Variants in MYRFL observed in about 807,000 individuals in gnomAD.
The protein encoded by MYRFL is myelin regulatory factor like, also known as myelin regulatory factor-like protein.
Under a neutral mutation model 109.4 loss-of-function variants are expected in MYRFL, and 88 were observed. The observed-to-expected ratio is 0.80, with a 90% CI of 0.68 to 0.96. MYRFL has a LOEUF of 0.96. MYRFL is among the 40% of genes least tolerant of loss of function. The pLI, the probability that MYRFL is intolerant of heterozygous loss-of-function variation, is 0.00. For missense variants in MYRFL, 957 were observed against 954.9 expected, an observed-to-expected ratio of 1.00 and a Z score of -0.03; for synonymous variants, 324 against 320.9, an observed-to-expected ratio of 1.01 and a Z score of -0.10.
intron 11 of MYRFL, among the ~76,000 whole-genome samples, chr12:69,907,884 C>A (rs888076342): frequency 6.6e-6 from 1 of 151,692 alleles, no homozygotes; most frequent in Non-Finnish European, 1.5e-5. Flanking sequence ...TGAGTGAAGG[C>A]GCTCACAGTG....
chr12:69,830,299 G>T (rs1045994910), intron 1 of MYRFL, among the ~76,000 whole-genome samples: 1 of 151,160 alleles, frequency 6.6e-6, no homozygotes, highest in Admixed American at 6.6e-5. Context: ...ATAATATATA[G>T]AGAGATAATG....
chr12:69,832,944 T>TTGTGTG (rs57702116), intron 1 of MYRFL, among the ~76,000 whole-genome samples: 31 of 143,824 alleles, frequency 2.2e-4, no homozygotes, highest in African/African-American at 7.5e-4. Flanking sequence ...AGGAACAGGC[T>TTGTGTG]TGTGTGTGTG....
At chr12:69,928,924 A>AATCT (rs1264615261) in intron 15 of MYRFL, among the ~76,000 whole-genome samples, 2 of 152,324 alleles carry the variant, frequency 1.3e-5, no homozygotes, top group East Asian at 3.9e-4. Context: ...GGTCACCTGC[A>AATCT]ATCTCTGTAG....
intron 22 of MYRFL, 51 bp from the exon 23 acceptor site, chr12:69,957,771 A>C: frequency 6.7e-7 from 1 of 1,494,638 alleles, no homozygotes; most frequent in Non-Finnish European, 8.9e-7. Flanking sequence ...ATCCTAGTAG[A>C]AGCTGGTAAC....
chr12:69,947,197 A>G (rs1032631628), intron 19 of MYRFL: 8 of 152,266 alleles, frequency 5.3e-5, no homozygotes, highest in African/African-American at 1.9e-4. Flanking sequence ...AAAGAAATTC[A>G]AGAGTAACAA....
chr12:69,936,082 T>A, intron 16 of MYRFL, 31 bp from the exon 17 acceptor site: 1 of 996,036 alleles, frequency 1.0e-6, no homozygotes. Flanking sequence ...CATAATGTTT[T>A]TTTTTTTTTT....
At chr12:69,836,491 C>T (rs549611353) in intron 1 of MYRFL, among the ~76,000 whole-genome samples, 59 of 152,170 alleles carry the variant, frequency 3.9e-4, no homozygotes, top group Non-Finnish European at 8.1e-4. Flanking sequence ...TATAATTCCA[C>T]AAGATAACAG....
chr12:69,935,908 G>C (rs1955438821), intron 16 of MYRFL: 1 of 601,344 alleles, frequency 1.7e-6, no homozygotes, highest in African/African-American at 1.9e-5. Flanking sequence ...AGGAGCCTCT[G>C]AGCTCTTTTT....
At chr12:69,838,834 G>A (rs745702427) in intron 1 of MYRFL, among the ~76,000 whole-genome samples, 6 of 152,158 alleles carry the variant, frequency 3.9e-5, no homozygotes, top group Non-Finnish European at 7.4e-5. Flanking sequence ...ACTTGATAAT[G>A]TACTAGTAAA....
Position 69,957,873 on chromosome 12 carries a change from A to G in MYRFL, c.2502A>G (p.Ile834Met). 6.5e-7 allele frequency: 1 copy of G among 1,535,100 alleles called. No individual in the cohort carries two copies. Among genetic ancestry groups the G allele is most frequent in the Non-Finnish European group, 8.7e-7 (1 of 1,146,076 alleles). The change falls in exon 23 of 25, where the codon ATA (isoleucine) becomes ATG (methionine). Residue 834 changes from isoleucine to methionine, a missense_variant. Physicochemically the swap from Ile to Met is conservative, Grantham distance 10. Transcript: ENST00000552032. Reference protein sequence around the residue: ...VFQCKFTLGNICFHSKRGTKG... With the variant: ...VFQCKFTLGNMCFHSKRGTKG... ...AGTGCAAATTCACCCTTGGAAATAT[A>G]TGTTTCCATAGTAAAAGGGGAACCA...
chr12:69,915,818 T>A (rs535595514), intron 13 of MYRFL, among the ~76,000 whole-genome samples: 1 of 152,056 alleles, frequency 6.6e-6, no homozygotes, highest in South Asian at 2.1e-4. Flanking sequence ...TGTTCATCTA[T>A]CTCTTTATTT....
chr12:69,956,665 T>C (rs1051010593), intron 22 of MYRFL, among the ~76,000 whole-genome samples: 1 of 152,012 alleles, frequency 6.6e-6, no homozygotes, highest in African/African-American at 2.4e-5. Flanking sequence ...GCACGCCTTC[T>C]GCCTCTTCCT....
chr12:69,888,611 A>G (rs1450780993), intron 6 of MYRFL, among the ~76,000 whole-genome samples: 2 of 152,222 alleles, frequency 1.3e-5, no homozygotes, highest in Non-Finnish European at 2.9e-5. Context: ...CAGAATAATC[A>G]TCAACAGTAT....
chr12:69,914,536 G>A (rs1954673635), intron 13 of MYRFL, among the ~76,000 whole-genome samples: 1 of 152,168 alleles, frequency 6.6e-6, no homozygotes, highest in African/African-American at 2.4e-5. Context: ...ATGTCTTCCT[G>A]TGGCAGCCAA....
chr12:69,944,464 C>A (rs1266090713), intron 19 of MYRFL, among the ~76,000 whole-genome samples: 4 of 145,350 alleles, frequency 2.8e-5, no homozygotes, highest in Non-Finnish European at 6.0e-5. Context: ...TATTCTCACT[C>A]ATAGGTGGGA....
chr12:69,934,387 C>T (rs1955379338), intron 16 of MYRFL, among the ~76,000 whole-genome samples: 2 of 152,202 alleles, frequency 1.3e-5, no homozygotes, highest in Admixed American at 6.5e-5. Flanking sequence ...GACCCTGAAG[C>T]CCCAGAGGGG....
intron 19 of MYRFL, among the ~76,000 whole-genome samples, chr12:69,938,363 C>A (rs1955533106): frequency 6.6e-6 from 1 of 152,134 alleles, no homozygotes; most frequent in Admixed American, 6.5e-5. Context: ...AATAACAGAT[C>A]CTGAATAGGA....
At chr12:69,897,361 G>A (rs1954030766) in intron 10 of MYRFL, 115 bp downstream of exon 10, 3 of 791,454 alleles carry the variant, frequency 3.8e-6, no homozygotes. Context: ...TGATAGTAAT[G>A]GCAGAAACTA....
At chr12:69,935,958 G>A (rs2120481775) in intron 16 of MYRFL, 155 bp from the exon 17 acceptor site, 1 of 791,560 alleles carries the variant, frequency 1.3e-6, no homozygotes. Context: ...TGGTTTCCAT[G>A]GTGTTTCTGT....
Sources: allele counts gnomAD v4.1 joint callset (sites outside exome capture counted in the v4.1 genomes callset), GRCh38; gene constraint gnomAD v4.1.1; transcripts MANE v1.5; gene names NCBI Gene and HGNC (gene_info 2026-07-23, HGNC 2026-07-21).